Variants in HPS4 observed in about 807,000 individuals in gnomAD.
The protein encoded by HPS4 is BLOC-3 complex member HPS4.
HPS4 carries 44 observed loss-of-function variants against 70.3 expected under a neutral mutation model. The ratio of observed to expected loss-of-function variants is 0.63; its 90% CI spans 0.49 to 0.80. The LOEUF is 0.80. Ranked by LOEUF, HPS4 falls within the 30% of genes least tolerant of loss-of-function variation. HPS4 has a pLI of 0.00. For missense variants in HPS4, 873 were observed against 884.4 expected (o/e 0.99, Z 0.16); for synonymous variants, 377 against 355.9 (o/e 1.06, Z -0.67).
chr22:26,471,068 T>G (rs1440215475), intron 6 of HPS4: 2 of 614,260 alleles, frequency 3.3e-6, no homozygotes, highest in African/African-American at 1.8e-5. Context: ...GTGCAGCAAA[T>G]ATGGCATATG....
In HPS4 at chr22:26,452,284, A is replaced by G. The variant is rs1385542259; in HGVS notation, c.*949T>C. ...ATTTTGACAAATATTTTCATCCTGC[A>G]GTCTGTCTCATACTGTCAAAAAAAT... On this transcript the variant is annotated 3_prime_UTR_variant, in exon 14 of 14. Coordinates refer to ENST00000398145, the MANE Select transcript of HPS4 (RefSeq NM_022081.6). 4.5e-6 allele frequency: 2 copies of G among 443,358 alleles called. No homozygotes were observed. Among genetic ancestry groups the G allele is most frequent in the African/African-American group, 4.1e-5 (2 of 49,368 alleles). The allele number at this position is 443,358 out of a possible 1,614,324, so 27.5% of individuals were successfully genotyped here.
At chr22:26,458,395 A>G in intron 12 of HPS4, 50 bp downstream of exon 12, 1 of 1,610,314 alleles carries the variant, frequency 6.2e-7, no homozygotes, top group South Asian at 1.1e-5. Flanking sequence ...ATCTCCACCC[A>G]TCTAGAATCT....
At chr22:26,480,552 G>A (rs973811671) in intron 2 of HPS4, among the ~76,000 whole-genome samples, 8 of 152,022 alleles carry the variant, frequency 5.3e-5, no homozygotes, top group African/African-American at 1.9e-4. Context: ...TGTGTCATCT[G>A]CTCTCTTCCC....
chr22:26,458,121 C>T (rs1308169416), intron 12 of HPS4, among the ~76,000 whole-genome samples, 154 bp from the exon 13 acceptor site: 2 of 152,266 alleles, frequency 1.3e-5, no homozygotes, highest in East Asian at 1.9e-4. Context: ...CATTGGGCTT[C>T]GGCTGCCGCC....
chr22:26,447,769 G>C (rs1017148356), downstream of HPS4, among the ~76,000 whole-genome samples: 3 of 152,034 alleles, frequency 2.0e-5, no homozygotes, highest in African/African-American at 7.3e-5. Context: ...GCATTAGGAG[G>C]CAGGAGGGAG....
Position 26,477,261 on chromosome 22 carries a change from G to A in HPS4, c.133-125C>T, listed in dbSNP as rs895246039. 5.7e-5 allele frequency: 52 copies of A among 920,018 alleles called. No individual in the cohort carries two copies. In the African/African-American group the frequency reaches 7.8e-4, roughly 14 times the overall value. The allele number at this position is 920,018 out of a possible 1,614,324, so 57.0% of individuals were successfully genotyped here. A position where few individuals can be genotyped will look rare whatever the true frequency, so the allele number is the denominator to read the frequency against. ...TTACCCGTTTTCCTATGGCCTGTAA[G>A]CTAAGAATGGTTCTTATACTTTTTA... On this transcript the variant is annotated intron_variant, in intron 3 of 13. Transcript: ENST00000398145.
Position 26,464,569 on chromosome 22 carries a change from G to T in HPS4, c.1061C>A (p.Ser354Tyr). ...AAAGACTAGTTCCTTCCCCAGGGAG[G>T]AGCTGAGGCCAAGAACCTCACCCCT... ...SARGEVLGLSSSLGKELVFLQ... is the reference protein window; with the variant it reads ...SARGEVLGLSYSLGKELVFLQ... The change falls in exon 11 of 14, where the codon TCC becomes TAC. Residue 354 changes from serine (S) to tyrosine (Y), a missense_variant. Physicochemically the swap from Ser to Tyr is moderately radical, Grantham distance 144. Coordinates refer to ENST00000398145, the MANE Select transcript of HPS4 (RefSeq NM_022081.6). The T allele has an allele frequency of 6.2e-7, 1 of 1,614,222 alleles. No individual in the cohort carries two copies. Among genetic ancestry groups the T allele is most frequent in the Non-Finnish European group, 8.5e-7 (1 of 1,180,034 alleles).
rs2146561895 is a variant in HPS4 at position 26,464,638 on chromosome 22, T to C, written c.992A>G (p.His331Arg). The change falls in exon 11 of 14, where the codon CAT becomes CGT. Residue 331 changes from histidine to arginine, a missense_variant. Transcript: ENST00000398145. ...GRKENGCLSG[H>R]DLESIRPAGL... is the part of the protein sequence containing the mutation. The stretch of plus-strand genomic sequence containing the variant: ...TGCGGGCCTGATGCTCTCCAGATCA[T>C]GGCCAGACAAGCATCCGTTCTCCTT... 1 of 1,613,700 alleles carries C rather than the reference T, an allele frequency of 6.2e-7. No homozygotes were observed. The highest frequency in any genetic ancestry group is 8.5e-7 in the Non-Finnish European group (1 of 1,179,570).
downstream of HPS4, among the ~76,000 whole-genome samples, chr22:26,448,235 C>T (rs974976575): frequency 6.6e-6 from 1 of 152,238 alleles, no homozygotes; most frequent in Non-Finnish European, 1.5e-5. Context: ...CAACAGGACC[C>T]TCCATTTGCT....
intron 13 of HPS4, among the ~76,000 whole-genome samples, chr22:26,454,133 G>A (rs1306147586): frequency 6.6e-6 from 1 of 152,330 alleles, no homozygotes; most frequent in East Asian, 1.9e-4. Context: ...GAGAAAGGGT[G>A]GAGTCAGGGA....
At chr22:26,482,490 CA>C (rs1364930500) in intron 1 of HPS4, among the ~76,000 whole-genome samples, 1 of 152,132 alleles carries the variant, frequency 6.6e-6, no homozygotes, top group African/African-American at 2.4e-5. Context: ...TAGGTGTGGA[CA>C]GCTATACAAA....
intron 11 of HPS4, 98 bp downstream of exon 11, chr22:26,463,819 C>T: frequency 7.7e-7 from 1 of 1,301,988 alleles, no homozygotes; most frequent in Middle Eastern, 2.5e-4. Flanking sequence ...AGGGCTGAGC[C>T]TTTATCTCTT....
intron 8 of HPS4, 128 bp downstream of exon 8, chr22:26,468,423 T>G (rs1474207269): frequency 1.3e-6 from 1 of 787,026 alleles, no homozygotes; most frequent in African/African-American, 1.7e-5. Flanking sequence ...ATTGGAGGAC[T>G]TGGGGTCCTG....
chr22:26,468,058 C>T (rs2089027623), intron 8 of HPS4: 1 of 169,152 alleles, frequency 5.9e-6, no homozygotes, highest in Non-Finnish European at 1.3e-5. Context: ...TGTGCACCAC[C>T]ACACCCAGCT....
chr22:26,476,969 C>T, intron 4 of HPS4, 24 bp downstream of exon 4: 1 of 1,613,262 alleles, frequency 6.2e-7, no homozygotes, highest in Non-Finnish European at 8.5e-7. Context: ...AACACTTCAG[C>T]ACTGATTCTG....
At position 26,453,344 on chromosome 22, in the gene HPS4, C is replaced by A; in HGVS notation, c.2016G>T (p.Gln672His). The change falls in exon 14 of 14, where the codon CAG (glutamine) becomes CAT (histidine). Residue 672 changes from glutamine (Q) to histidine (H), a missense_variant. Gln to His is a conservative substitution (Grantham distance 24). Transcript: ENST00000398145. Reference sequence around the variant, plus strand: ...CGGAGCTCCGTGCTGCAGGTGCCAGCTGCTGGAAATATGTCTCCTGGATGG... The same window carrying A: ...CGGAGCTCCGTGCTGCAGGTGCCAGATGCTGGAAATATGTCTCCTGGATGG... ...CNPIQETYFQ[Q>H]LAPAARSSGF... 1 of 1,614,198 alleles carries A rather than the reference C, an allele frequency of 6.2e-7. No homozygotes were observed. The highest frequency in any genetic ancestry group is 1.1e-5 in the South Asian group (1 of 91,082).
chr22:26,483,570 G>A (rs2091538216), intron 1 of HPS4, 104 bp downstream of exon 1: 3 of 202,062 alleles, frequency 1.5e-5, no homozygotes, highest in African/African-American at 4.6e-5. Flanking sequence ...CTACGGGACT[G>A]GGAAATGGTG....
chr22:26,449,723 C>G (rs189296491), downstream of HPS4, among the ~76,000 whole-genome samples: 2 of 152,136 alleles, frequency 1.3e-5, no homozygotes, highest in Non-Finnish European at 2.9e-5. Flanking sequence ...CTCTGTGGCT[C>G]GGCGCTACTG....
In HPS4 at chr22:26,458,386, T is replaced by A; in HGVS notation, c.1846+59A>T. 3 of 1,602,898 alleles carry A rather than the reference T, an allele frequency of 1.9e-6. No individual in the cohort carries two copies. In the South Asian group the frequency reaches 3.3e-5, roughly 18 times the overall value. On this transcript the variant is annotated intron_variant, in intron 12 of 13. Coordinates refer to ENST00000398145, the MANE Select transcript of HPS4 (RefSeq NM_022081.6). ...CATGATGCTGGGGCTCAAGTTCTCATCTCCACCCATCTAGAATCTGGCATC... is the reference window on the plus strand; with the variant it reads ...CATGATGCTGGGGCTCAAGTTCTCAACTCCACCCATCTAGAATCTGGCATC...
Sources: allele counts gnomAD v4.1 joint callset (sites outside exome capture counted in the v4.1 genomes callset), GRCh38; gene constraint gnomAD v4.1.1; transcripts MANE v1.5; gene names NCBI Gene and HGNC (gene_info 2026-07-23, HGNC 2026-07-21).